CCDC144A: variants seen among roughly 807,000 people sequenced by gnomAD.
CCDC144A encodes the protein coiled-coil domain-containing protein 144A.
In CCDC144A, 41 loss-of-function variants were observed where a neutral mutation model predicts 143.8. That is an observed-to-expected ratio of 0.29 (90% CI 0.22 to 0.37). The LOEUF (loss-of-function observed/expected upper bound fraction) is 0.37. Among genes scored for constraint, CCDC144A ranks in the 10% least tolerant of loss-of-function variants. CCDC144A has a pLI of 1.00. For synonymous variants in CCDC144A, 242 were observed against 517.9 expected (o/e 0.47, Z 7.23); for missense variants, 637 against 1,488.8 (o/e 0.43, Z 9.41).
rs777681271 is a variant in CCDC144A, at chr17:16,690,691, G to A, written c.291G>A (p.Glu97=). ...AARSGDVPGV[E]HILAPGDTGV... is the part of the protein sequence containing the mutation. Reference sequence around the variant, plus strand: ...GGTCGGGCGACGTCCCTGGGGTGGAGCACATCTTAGCTCCTGGAGACACTG... The same window carrying A: ...GGTCGGGCGACGTCCCTGGGGTGGAACACATCTTAGCTCCTGGAGACACTG... Residue 97 remains glutamate (E), a synonymous_variant, in exon 1 of 17, where the codon GAG becomes GAA. Coordinates refer to ENST00000399273, the MANE Select transcript of CCDC144A (RefSeq NM_001382000.1). 2 of 1,613,752 alleles carry A rather than the reference G, an allele frequency of 1.2e-6. No individual in the cohort carries two copies. Among genetic ancestry groups the A allele is most frequent in the East Asian group, 2.2e-5 (1 of 44,856 alleles).
chr17:16,688,495 T>G (rs991774005), upstream of CCDC144A, among the ~76,000 whole-genome samples: 2 of 141,176 alleles, frequency 1.4e-5, no homozygotes, highest in Non-Finnish European at 3.1e-5. Flanking sequence ...TTTTTTTTTT[T>G]TTTTTTTTTT....
At chr17:16,749,195 T>C (rs1482789488) in intron 12 of CCDC144A, among the ~76,000 whole-genome samples, 1 of 152,188 alleles carries the variant, frequency 6.6e-6, no homozygotes, top group Non-Finnish European at 1.5e-5. Flanking sequence ...GATTGTTAAT[T>C]ACAGATCTGT....
intron 12 of CCDC144A, among the ~76,000 whole-genome samples, chr17:16,747,305 T>G (rs1471300858): frequency 6.6e-6 from 1 of 152,200 alleles, no homozygotes; most frequent in Non-Finnish European, 1.5e-5. Flanking sequence ...ATTTGTTTAG[T>G]GTAGCGTTTG....
At chr17:16,758,243 C>T (rs1284253748) in intron 12 of CCDC144A, among the ~76,000 whole-genome samples, 16 of 152,250 alleles carry the variant, frequency 1.1e-4, no homozygotes, top group Admixed American at 2.6e-4. Context: ...TCACCCCACA[C>T]ACAGGTTTTA....
chr17:16,749,702 A>G (rs542861321), intron 12 of CCDC144A, among the ~76,000 whole-genome samples: 135 of 152,204 alleles, frequency 8.9e-4, no homozygotes, highest in African/African-American at 3.1e-3. Context: ...GAAGATCCCC[A>G]CTGTTATTGT....
chr17:16,746,557 A>G, intron 12 of CCDC144A: 3 of 1,613,810 alleles, frequency 1.9e-6, no homozygotes, highest in Non-Finnish European at 2.5e-6. Flanking sequence ...CTTTGCTGTC[A>G]AGGAAGATAT....
At chr17:16,669,287 A>G in the CCDC144A span, among the ~76,000 whole-genome samples, 2 of 152,334 alleles carry the variant, frequency 1.3e-5, no homozygotes, top group Admixed American at 6.5e-5. Context: ...TCCATCTTCA[A>G]CCAAACTAAG....
chr17:16,746,349 T>C, intron 12 of CCDC144A: 1 of 1,185,924 alleles, frequency 8.4e-7, no homozygotes, highest in Non-Finnish European at 1.2e-6. Flanking sequence ...AACTCTCTCC[T>C]CCGTTCTTCT....
the CCDC144A span, among the ~76,000 whole-genome samples, chr17:16,672,852 G>C: frequency 1.3e-5 from 2 of 152,010 alleles, no homozygotes; most frequent in South Asian, 4.2e-4. Context: ...GTCAATATTT[G>C]TGTGATCCTT....
chr17:16,752,285 C>G (rs937370350), intron 12 of CCDC144A, among the ~76,000 whole-genome samples: 3 of 152,192 alleles, frequency 2.0e-5, no homozygotes, highest in African/African-American at 7.2e-5. Context: ...GCCTGACGAT[C>G]TGAGGTGGAA....
intron 12 of CCDC144A, among the ~76,000 whole-genome samples, chr17:16,744,998 A>G (rs1336563257): frequency 1.3e-5 from 2 of 152,202 alleles, no homozygotes; most frequent in African/African-American, 4.8e-5. Flanking sequence ...GTTACAAACC[A>G]CAAACACATC....
intron 2 of CCDC144A, among the ~76,000 whole-genome samples, chr17:16,694,179 C>G (rs980831506): frequency 1.3e-5 from 2 of 150,172 alleles, no homozygotes; most frequent in Admixed American, 1.3e-4. Context: ...CCGTGTTGTT[C>G]AAAGGCTAAC....
intron 2 of CCDC144A, among the ~76,000 whole-genome samples, chr17:16,703,837 C>T (rs1911885248): frequency 1.3e-5 from 2 of 152,192 alleles, no homozygotes; most frequent in South Asian, 2.1e-4. Context: ...AACACAAGCA[C>T]GCACAGCCAT....
Position 16,773,682 on chromosome 17 carries a change from A to G in CCDC144A, c.*49A>G, listed in dbSNP as rs1396280055. 6.4e-6 allele frequency: 9 copies of G among 1,406,964 alleles called. No homozygotes were observed. Among genetic ancestry groups the G allele is most frequent in the African/African-American group, 1.5e-5 (1 of 67,506 alleles). The allele number at this position is 1,406,964 out of a possible 1,614,324, so 87.2% of individuals were successfully genotyped here. A position where few individuals can be genotyped will look rare whatever the true frequency, so the allele number is the denominator to read the frequency against. ...CTATTCACATGATATTTTGTTTCCC[A>G]TTAAATATATGATGTGAACATTTTT... is the stretch of plus-strand genomic sequence containing the variant. On this transcript the variant is annotated 3_prime_UTR_variant, in exon 17 of 17. Coordinates refer to ENST00000399273, the MANE Select transcript of CCDC144A (RefSeq NM_001382000.1).
intron 5 of CCDC144A, chr17:16,710,277 A>G (rs1032975306): frequency 6.3e-6 from 1 of 159,942 alleles, no homozygotes; most frequent in Non-Finnish European, 1.4e-5. Context: ...GGTCATAAGT[A>G]ACTCCTGTGC....
chr17:16,760,632 C>CTT (rs370393146), intron 12 of CCDC144A, among the ~76,000 whole-genome samples: 620 of 92,946 alleles, frequency 6.7e-3, no homozygotes, highest in Middle Eastern at 0.024. Context: ...TATTGGAATC[C>CTT]TTTTTTTTTT....
At chr17:16,766,564 A>AC (rs1236095446) in intron 15 of CCDC144A, 1 of 152,462 alleles carries the variant, frequency 6.6e-6, no homozygotes, top group Non-Finnish European at 1.5e-5. Flanking sequence ...ACATGGTGAA[A>AC]CCCCGTCCCT....
At chr17:16,710,528 A>G (rs1912347491) in intron 5 of CCDC144A, among the ~76,000 whole-genome samples, 1 of 152,180 alleles carries the variant, frequency 6.6e-6, no homozygotes, top group African/African-American at 2.4e-5. Flanking sequence ...AATATTTTTC[A>G]ACAACAAGTA....
rs62073720 is a variant in CCDC144A at position 16,731,020 on chromosome 17, A to C, written c.2106-780A>C. The stretch of plus-strand genomic sequence containing the variant: ...CAGTTTTATTCTAAATATGCACGAA[A>C]TAAGTAAAATGGACAGTAATTGATG... On this transcript the variant is annotated intron_variant, in intron 9 of 16. Coordinates refer to ENST00000399273, the MANE Select transcript of CCDC144A (RefSeq NM_001382000.1). Among the ~76,000 whole-genome samples, 14 of 149,738 alleles carry C rather than the reference A, an allele frequency of 9.3e-5. No individual in the cohort carries two copies. In the East Asian group the frequency reaches 1.6e-3, roughly 17 times the overall value.
Sources: gnomAD v4.1 joint callset for allele counts (sites outside exome capture counted in the v4.1 genomes callset) on GRCh38, gnomAD v4.1.1 for gene constraint, MANE v1.5 for transcripts, NCBI Gene and HGNC (gene_info 2026-07-23, HGNC 2026-07-21) for gene names.